The following CAST variants were observed in gnomAD, a reference collection of about 807,000 sequenced individuals.
CAST encodes the protein calpastatin.
In CAST, 76 loss-of-function variants were observed where a neutral mutation model predicts 119.6. That is an observed-to-expected ratio of 0.64 (90% CI 0.53 to 0.77). The LOEUF is 0.77. Ranked by LOEUF, CAST falls within the 30% of genes least tolerant of loss-of-function variation. CAST has a pLI of 0.00. For synonymous variants in CAST, 319 were observed against 331.6 expected (o/e 0.96, Z 0.41); for missense variants, 953 against 946.5 (o/e 1.01, Z -0.09).
the CAST span, among the ~76,000 whole-genome samples, chr5:96,075,135 G>T: frequency 6.6e-6 from 1 of 152,116 alleles, no homozygotes; most frequent in African/African-American, 2.4e-5. Flanking sequence ...TTGTTCATTG[G>T]CTCACAGTCA....
chr5:96,481,666 G>T, the CAST span, among the ~76,000 whole-genome samples: 107,391 of 152,048 alleles, frequency 0.71, 38,423 homozygotes, highest in African/African-American at 0.81. Context: ...GGTTTCAAAA[G>T]GGACTCAAAC....
intron 1 of CAST, among the ~76,000 whole-genome samples, chr5:96,616,753 T>TATATACACACACACAC (rs1167637550): frequency 3.1e-5 from 4 of 130,738 alleles, no homozygotes; most frequent in African/African-American, 8.3e-5. Flanking sequence ...TCTATATATA[T>TATATACACACACACAC]ACACACACAC....
At chr5:96,006,677 G>T in the CAST span, among the ~76,000 whole-genome samples, 1 of 152,194 alleles carries the variant, frequency 6.6e-6, no homozygotes, top group African/African-American at 2.4e-5. Context: ...TGCTGTTGCT[G>T]TCATCAGAAC....
At chr5:96,400,389 TA>T in the CAST span, among the ~76,000 whole-genome samples, 1 of 152,264 alleles carries the variant, frequency 6.6e-6, no homozygotes, top group Non-Finnish European at 1.5e-5. Flanking sequence ...CCCTGTAACA[TA>T]TAAGTTATGA....
intron 1 of CAST, among the ~76,000 whole-genome samples, chr5:96,669,557 A>T (rs921894574): frequency 6.6e-6 from 1 of 152,230 alleles, no homozygotes; most frequent in Non-Finnish European, 1.5e-5. Flanking sequence ...AGTGTACAAT[A>T]AAGTGCTAAT....
intron 1 of CAST, among the ~76,000 whole-genome samples, chr5:96,614,250 T>C (rs1349868119): frequency 6.6e-6 from 1 of 152,202 alleles, no homozygotes; most frequent in East Asian, 1.9e-4. Context: ...TCCCTCTGGA[T>C]GGAGTGTTAG....
chr5:96,729,609 C>G lies in CAST; in HGVS notation c.436-3C>G, dbSNP rs765842753. The G allele has an allele frequency of 7.2e-7, 1 of 1,396,742 alleles. No homozygotes were observed. The highest frequency in any genetic ancestry group is 1.2e-5 in the South Asian group (1 of 86,542). 86.5% of individuals were successfully genotyped at this position (1,396,742 alleles called of 1,614,324 possible). A position where few individuals can be genotyped will look rare whatever the true frequency, so the allele number is the denominator to read the frequency against. ...GTGTGGGCACCTGTGTGTGTACTTTCAGCCAAAAAGCCTACCCAAGCAGGC... is the reference window on the plus strand; with the variant it reads ...GTGTGGGCACCTGTGTGTGTACTTTGAGCCAAAAAGCCTACCCAAGCAGGC... On this transcript the variant is annotated splice_region_variant and splice_polypyrimidine_tract_variant and intron_variant, in intron 7 of 31. Transcript: ENST00000675179.
At chr5:96,364,735 TGC>T in the CAST span, among the ~76,000 whole-genome samples, 5 of 152,240 alleles carry the variant, frequency 3.3e-5, no homozygotes, top group African/African-American at 1.2e-4. Context: ...TTAGTCTTGC[TGC>T]AGGTCTATCA....
At chr5:96,168,216 A>G in the CAST span, among the ~76,000 whole-genome samples, 90 of 152,268 alleles carry the variant, frequency 5.9e-4, no homozygotes, top group Admixed American at 7.8e-4. Context: ...AGAAGTTGGA[A>G]CGCTAGCTGC....
chr5:96,317,476 C>CAAAAAAAA, the CAST span, among the ~76,000 whole-genome samples: 6 of 50,602 alleles, frequency 1.2e-4, no homozygotes, highest in East Asian at 7.3e-4. Flanking sequence ...GACTCCATCT[C>CAAAAAAAA]AAAAAAAAAA....
chr5:96,615,775 G>A (rs890023618), intron 1 of CAST, among the ~76,000 whole-genome samples: 33 of 152,198 alleles, frequency 2.2e-4, no homozygotes, highest in Admixed American at 1.1e-3. Flanking sequence ...CTTATACTAG[G>A]GCAAGTGTAA....
intron 1 of CAST, among the ~76,000 whole-genome samples, chr5:96,537,786 T>TC (rs1745845446): frequency 1.3e-5 from 2 of 152,298 alleles, no homozygotes; most frequent in East Asian, 1.9e-4. Flanking sequence ...GGTTCTTTTT[T>TC]CCCAAGACCA....
chr5:96,340,247 C>G, the CAST span, among the ~76,000 whole-genome samples: 1 of 152,138 alleles, frequency 6.6e-6, no homozygotes, highest in East Asian at 1.9e-4. Flanking sequence ...CTGCGGGAGT[C>G]CACCTTTATC....
chr5:96,470,581 A>C, the CAST span, among the ~76,000 whole-genome samples: 3 of 152,062 alleles, frequency 2.0e-5, no homozygotes, highest in African/African-American at 7.2e-5. Context: ...ACTGGTCTTC[A>C]AAGTAGAATA....
chr5:96,392,768 C>T, the CAST span: 68 of 570,578 alleles, frequency 1.2e-4, no homozygotes, highest in African/African-American at 8.4e-4. Flanking sequence ...AAACACTTCA[C>T]TTGTGCAGAC....
chr5:96,098,608 A>G, the CAST span, among the ~76,000 whole-genome samples: 5 of 152,154 alleles, frequency 3.3e-5, no homozygotes, highest in African/African-American at 1.2e-4. Flanking sequence ...GTTTCTGTCA[A>G]GTTTGTCAAA....
chr5:95,964,312 G>A, the CAST span, among the ~76,000 whole-genome samples: 2 of 152,076 alleles, frequency 1.3e-5, no homozygotes, highest in Admixed American at 6.5e-5. Flanking sequence ...TTTTGGGAAG[G>A]TTGCCATTTT....
chr5:96,199,331 A>C, the CAST span, among the ~76,000 whole-genome samples: 1 of 152,316 alleles, frequency 6.6e-6, no homozygotes, highest in South Asian at 2.1e-4. Flanking sequence ...AAAGGACTGG[A>C]AACATTTACT....
chr5:96,743,530 C>T, intron 16 of CAST: 2 of 1,484,384 alleles, frequency 1.3e-6, no homozygotes, highest in Non-Finnish European at 1.8e-6. Flanking sequence ...CACAATGCCC[C>T]ATCTCTGCTG....
Sources: allele counts gnomAD v4.1 joint callset (sites outside exome capture counted in the v4.1 genomes callset), GRCh38; gene constraint gnomAD v4.1.1; transcripts MANE v1.5; gene names NCBI Gene and HGNC (gene_info 2026-07-23, HGNC 2026-07-21).